MDGA2: variants seen among roughly 807,000 people sequenced by gnomAD.
The protein encoded by MDGA2 is MAM domain containing glycosylphosphatidylinositol anchor 2, also known as MAM domain-containing glycosylphosphatidylinositol anchor protein 2.
Under a neutral mutation model 117.8 loss-of-function variants are expected in MDGA2, and 40 were observed. That is an observed-to-expected ratio of 0.34 (90% confidence interval 0.26 to 0.44). MDGA2 has a LOEUF of 0.44. MDGA2 is among the 20% of genes least tolerant of loss of function. MDGA2 has a pLI of 1.00. For missense variants in MDGA2, 1,123 were observed against 1,250.6 expected (o/e 0.90, Z 1.54); for synonymous variants, 452 against 439.0 (o/e 1.03, Z -0.37).
intron 1 of MDGA2, among the ~76,000 whole-genome samples, chr14:47,459,016 C>T (rs559664740): frequency 6.6e-6 from 1 of 151,114 alleles, no homozygotes; most frequent in East Asian, 2.0e-4. Context: ...TATTTATGTC[C>T]TAGTGAAATT....
intron 5 of MDGA2, among the ~76,000 whole-genome samples, chr14:47,105,794 AGTCTTTCTAATCTT>A (rs1265381940): frequency 6.6e-6 from 1 of 151,416 alleles, no homozygotes; most frequent in Admixed American, 6.6e-5. Flanking sequence ...AGCATCGCTG[AGTCTTTCTAATCTT>A]CCTTTTCTAC....
At chr14:47,231,789 G>T (rs201271643) in intron 2 of MDGA2, among the ~76,000 whole-genome samples, 1 of 150,530 alleles carries the variant, frequency 6.6e-6, no homozygotes, top group East Asian at 1.9e-4. Context: ...GAATTCAAAA[G>T]TTAAAATAAA....
chr14:47,278,228 C>T (rs1324101247), intron 2 of MDGA2, among the ~76,000 whole-genome samples: 1 of 151,896 alleles, frequency 6.6e-6, no homozygotes, highest in Non-Finnish European at 1.5e-5. Flanking sequence ...AAATTCAATA[C>T]ATAAAGTAAG....
intron 6 of MDGA2, among the ~76,000 whole-genome samples, chr14:47,068,155 T>C (rs1232638580): frequency 6.6e-6 from 1 of 152,106 alleles, no homozygotes; most frequent in East Asian, 1.9e-4. Flanking sequence ...TTAGTACAGT[T>C]AATCATTTGA....
At chr14:47,059,005 G>T in intron 7 of MDGA2, 1 of 997,816 alleles carries the variant, frequency 1.0e-6, no homozygotes, top group Non-Finnish European at 1.2e-6. Flanking sequence ...GTCTTTGGGA[G>T]TGATAAAACA....
chr14:47,236,148 G>A lies in MDGA2; in HGVS notation c.421-17953C>T, dbSNP rs928760259. On this transcript the variant is annotated intron_variant, in intron 2 of 16. Transcript: ENST00000399232. ...TCTACTAAAAATACAAAAATTAGCC[G>A]GGCATAGTGGCGGGCGCCTGTAGTC... 5.9e-5 allele frequency among the ~76,000 whole-genome samples: 9 copies of A among 151,960 alleles called. No individual in the cohort carries two copies. The South Asian group carries it at 1.5e-3, about 25-fold the overall frequency.
At chr14:47,511,765 C>T (rs1894645856) in intron 1 of MDGA2, among the ~76,000 whole-genome samples, 1 of 152,018 alleles carries the variant, frequency 6.6e-6, no homozygotes, top group African/African-American at 2.4e-5. Context: ...CACTTTTAAA[C>T]TAGAAATATC....
chr14:46,839,627 G>T (rs1880529380), downstream of MDGA2, among the ~76,000 whole-genome samples: 2 of 151,836 alleles, frequency 1.3e-5, no homozygotes, highest in Non-Finnish European at 2.9e-5. Flanking sequence ...GAGAAATTTT[G>T]TAAAACGTAA....
At chr14:47,541,752 T>C (rs1895356686) in intron 1 of MDGA2, among the ~76,000 whole-genome samples, 1 of 152,118 alleles carries the variant, frequency 6.6e-6, no homozygotes, top group Non-Finnish European at 1.5e-5. Flanking sequence ...AGTGTTTGAG[T>C]TCCCCTGGAA....
At chr14:47,131,265 A>C (rs529356234) in intron 5 of MDGA2, among the ~76,000 whole-genome samples, 1 of 152,096 alleles carries the variant, frequency 6.6e-6, no homozygotes, top group African/African-American at 2.4e-5. Flanking sequence ...ATTTTCTACA[A>C]AAATATTGTT....
chr14:47,171,115 T>C (rs746944004), intron 3 of MDGA2, among the ~76,000 whole-genome samples: 3 of 152,186 alleles, frequency 2.0e-5, no homozygotes, highest in Non-Finnish European at 4.4e-5. Context: ...AAGGCAATTT[T>C]CTAAAAATCA....
chr14:47,135,411 AAT>A (rs1882404474), intron 4 of MDGA2, among the ~76,000 whole-genome samples: 5 of 152,128 alleles, frequency 3.3e-5, no homozygotes, highest in Admixed American at 3.3e-4. Flanking sequence ...AAAAATCACC[AAT>A]AGTATTATAA....
intron 1 of MDGA2, among the ~76,000 whole-genome samples, chr14:47,608,697 C>T (rs947845242): frequency 6.6e-6 from 1 of 152,084 alleles, no homozygotes; most frequent in African/African-American, 2.4e-5. Context: ...AAGTTCTAAG[C>T]AGCTGAAAGA....
At chr14:47,593,922 G>C (rs1896488550) in intron 1 of MDGA2, among the ~76,000 whole-genome samples, 1 of 152,080 alleles carries the variant, frequency 6.6e-6, no homozygotes, top group South Asian at 2.1e-4. Context: ...ACAAAACTTT[G>C]CCGATTTGTG....
At chr14:47,198,608 A>G (rs1885377713) in intron 3 of MDGA2, among the ~76,000 whole-genome samples, 1 of 152,208 alleles carries the variant, frequency 6.6e-6, no homozygotes, top group South Asian at 2.1e-4. Flanking sequence ...GATGAGTACT[A>G]GCTATAAATG....
intron 8 of MDGA2, among the ~76,000 whole-genome samples, chr14:46,963,230 T>G (rs1400721780): frequency 6.6e-6 from 1 of 152,216 alleles, no homozygotes; most frequent in Non-Finnish European, 1.5e-5. Flanking sequence ...TATTAGGAGC[T>G]TATACATTTG....
chr14:47,303,589 A>T (rs1889350780), intron 1 of MDGA2, among the ~76,000 whole-genome samples: 1 of 152,174 alleles, frequency 6.6e-6, no homozygotes, highest in Non-Finnish European at 1.5e-5. Context: ...ACTTATTTTT[A>T]GGCATCTGTC....
chr14:47,173,988 G>A (rs201316845), intron 3 of MDGA2, among the ~76,000 whole-genome samples: 4 of 151,894 alleles, frequency 2.6e-5, no homozygotes, highest in Non-Finnish European at 5.9e-5. Flanking sequence ...AAAAGGCATG[G>A]GTTGCAATAC....
chr14:47,227,147 G>T (rs1886533280), intron 2 of MDGA2, among the ~76,000 whole-genome samples: 1 of 152,046 alleles, frequency 6.6e-6, no homozygotes, highest in Non-Finnish European at 1.5e-5. Flanking sequence ...TTCCCTTAGA[G>T]CCCTTTACCC....
Sources: gnomAD v4.1 joint callset for allele counts (sites outside exome capture counted in the v4.1 genomes callset) on GRCh38, gnomAD v4.1.1 for gene constraint, MANE v1.5 for transcripts, NCBI Gene and HGNC (gene_info 2026-07-23, HGNC 2026-07-21) for gene names.